The following SLC26A8 variants were observed in gnomAD, a reference collection of about 807,000 sequenced individuals.
SLC26A8 encodes solute carrier family 26 member 8, also known as testis anion transporter 1.
Under a neutral mutation model 105.0 loss-of-function variants are expected in SLC26A8, and 70 were observed. The ratio of observed to expected loss-of-function variants is 0.67; its 90% confidence interval spans 0.55 to 0.81. The LOEUF (loss-of-function observed/expected upper bound fraction) is 0.81, where lower values mean the gene tolerates loss of function less well. Ranked by LOEUF, SLC26A8 falls within the 40% of genes least tolerant of loss-of-function variation. The pLI is 0.00. For synonymous variants in SLC26A8, 415 were observed against 438.3 expected (o/e 0.95, Z 0.66); for missense variants, 998 against 1,181.8 (o/e 0.84, Z 2.28).
At chr6:35,977,987 G>A (rs1773105593) in intron 8 of SLC26A8, among the ~76,000 whole-genome samples, 1 of 151,768 alleles carries the variant, frequency 6.6e-6, no homozygotes, top group African/African-American at 2.4e-5. Context: ...TCTGGAGGCT[G>A]AGGCATGGGA....
intron 11 of SLC26A8, among the ~76,000 whole-genome samples, chr6:35,966,390 G>A (rs1772518659): frequency 6.6e-6 from 1 of 152,176 alleles, no homozygotes; most frequent in Non-Finnish European, 1.5e-5. Flanking sequence ...GAGGCAGGGA[G>A]TATGGAGAGG....
At chr6:36,020,112 T>G (rs1762094622) in intron 1 of SLC26A8, among the ~76,000 whole-genome samples, 1 of 152,248 alleles carries the variant, frequency 6.6e-6, no homozygotes, top group African/African-American at 2.4e-5. Flanking sequence ...AAGGGTTAAG[T>G]GCTCAATACA....
chr6:35,951,095 C>CCCCACACCCAACCCCCCACAG, intron 19 of SLC26A8, 68 bp downstream of exon 19: 1 of 1,282,782 alleles, frequency 7.8e-7, no homozygotes, highest in Non-Finnish European at 1.1e-6. Flanking sequence ...CCCCCAACCA[C>CCCCACACCCAACCCCCCACAG]CCCTCACCCA....
At chr6:36,022,219 G>A (rs557752359) in intron 1 of SLC26A8, among the ~76,000 whole-genome samples, 3 of 152,012 alleles carry the variant, frequency 2.0e-5, no homozygotes, top group Admixed American at 1.3e-4. Context: ...CTCCCGCCTC[G>A]GCCTCCCAAA....
At chr6:35,955,069 A>C in intron 17 of SLC26A8, 83 bp downstream of exon 17, 3 of 1,554,516 alleles carry the variant, frequency 1.9e-6, no homozygotes, top group Non-Finnish European at 2.6e-6. Context: ...ATCAGTGACT[A>C]ACAGAATTCA....
At chr6:35,944,815 GA>G (rs1771610080) in intron 19 of SLC26A8, among the ~76,000 whole-genome samples, 1 of 152,110 alleles carries the variant, frequency 6.6e-6, no homozygotes. Context: ...TTGCAGAGTA[GA>G]AAATATTTCT....
intron 10 of SLC26A8, among the ~76,000 whole-genome samples, chr6:35,971,569 C>T (rs975986025): frequency 2.0e-5 from 3 of 152,172 alleles, no homozygotes; most frequent in Admixed American, 6.6e-5. Flanking sequence ...GTGACAGGCA[C>T]CCATTAGCAT....
chr6:35,961,092 CA>C lies in SLC26A8; in HGVS notation c.1468del (p.Trp490GlyfsTer2). 6.2e-7 allele frequency: 1 copy of C among 1,612,048 alleles called. No homozygotes were observed. Among genetic ancestry groups the C allele is most frequent in the Non-Finnish European group, 8.5e-7 (1 of 1,178,530 alleles). On this transcript the variant is annotated frameshift_variant, in exon 13 of 20. Transcript: ENST00000490799. LOFTEE classifies it high-confidence loss of function. Reference sequence around the variant, plus strand: ...AATTGAAGATGAGAATGTCATCATCCAAAGAGCCTTATGGAAAAGGGAATGA... The same window carrying C: ...AATTGAAGATGAGAATGTCATCATCCAAGAGCCTTATGGAAAAGGGAATGA... ...WRQDQYDCAL[W>X]MMTFSSSIFL...
Position 35,959,729 on chromosome 6 carries a change from A to C in SLC26A8, c.1716T>G (p.His572Gln). 1 of 1,609,562 alleles carries C rather than the reference A, an allele frequency of 6.2e-7. No individual in the cohort carries two copies. Among genetic ancestry groups the C allele is most frequent in the Non-Finnish European group, 8.5e-7 (1 of 1,179,000 alleles). The change falls in exon 15 of 20, where the codon CAT (histidine) becomes CAG (glutamine). Residue 572 changes from histidine (H) to glutamine (Q), a missense_variant. His to Gln is a conservative substitution (Grantham distance 24, BLOSUM62 0). Transcript: ENST00000490799. ...ITFVNVYYLK[H>Q]KLLKEVDMVK... The stretch of plus-strand genomic sequence containing the variant: ...GGGCAGATACCTCTTTTAACAGCTT[A>C]TGCTTTAGGTAGTAAACATTTACAA...
chr6:35,996,577 C>T (rs921092625), intron 5 of SLC26A8, among the ~76,000 whole-genome samples: 13 of 152,028 alleles, frequency 8.6e-5, no homozygotes, highest in Admixed American at 2.6e-4. Flanking sequence ...GACAGGGTCT[C>T]GCTGTGCCAC....
At chr6:35,957,606 C>CTT (rs71540136) in intron 16 of SLC26A8, among the ~76,000 whole-genome samples, 4 of 130,310 alleles carry the variant, frequency 3.1e-5, no homozygotes, top group African/African-American at 2.9e-5. Flanking sequence ...TGAGAGCCAC[C>CTT]TTTTTTTTTT....
chr6:35,974,045 CG>C (rs933375918), intron 10 of SLC26A8, among the ~76,000 whole-genome samples: 1 of 152,162 alleles, frequency 6.6e-6, no homozygotes, highest in African/African-American at 2.4e-5. Flanking sequence ...GGGCCGGGCC[CG>C]GTGGTTCATG....
rs1333644820 is a variant in SLC26A8 at position 35,955,297 on chromosome 6, C to T, written c.2087G>A (p.Gly696Glu). 2 of 1,614,060 alleles carry T rather than the reference C, an allele frequency of 1.2e-6. No individual in the cohort carries two copies. Among genetic ancestry groups the T allele is most frequent in the East Asian group, 4.5e-5 (2 of 44,890 alleles). The change falls in exon 17 of 20, where the codon GGA becomes GAA. Residue 696 changes from glycine to glutamate, a missense_variant. By Grantham distance (98) the Gly-to-Glu change is moderately conservative (BLOSUM62 -2). Coordinates refer to ENST00000490799, the MANE Select transcript of SLC26A8 (RefSeq NM_052961.4). ...CTGGCTTTCCGCCACATCAGGCAGT[C>T]CTGGTGAGCTGTTTCTTGATGAGTT... ...PNNSSRNSSP[G>E]LPDVAESQGR...
chr6:36,024,490 C>T lies in SLC26A8; in HGVS notation c.-3+14G>A, dbSNP rs1170205406. ...CAGCCCCCGGCGCCCAGGCGTCTCCCAGCAGCGGCTCACCTGGCTCCTTGG... is the reference window on the plus strand; with the variant it reads ...CAGCCCCCGGCGCCCAGGCGTCTCCTAGCAGCGGCTCACCTGGCTCCTTGG... On this transcript the variant is annotated intron_variant, in intron 1 of 19. Coordinates refer to ENST00000490799, the MANE Select transcript of SLC26A8 (RefSeq NM_052961.4). The T allele has an allele frequency of 2.2e-6, 1 of 448,030 alleles. No individual in the cohort carries two copies. Among genetic ancestry groups the T allele is most frequent in the Non-Finnish European group, 4.5e-6 (1 of 224,430 alleles). 27.8% of individuals were successfully genotyped at this position (448,030 alleles called of 1,614,324 possible).
chr6:35,953,324 G>A (rs1358742394), intron 17 of SLC26A8, among the ~76,000 whole-genome samples: 1 of 152,128 alleles, frequency 6.6e-6, no homozygotes, highest in Non-Finnish European at 1.5e-5. Flanking sequence ...GAGCAAGGGA[G>A]ACAATGGCAC....
intron 9 of SLC26A8, among the ~76,000 whole-genome samples, chr6:35,976,469 T>G (rs1469423377): frequency 6.6e-6 from 1 of 151,782 alleles, no homozygotes; most frequent in Non-Finnish European, 1.5e-5. Flanking sequence ...GTTTCCATAT[T>G]TCCCTCTTGA....
chr6:36,012,437 A>G (rs1305288425), intron 2 of SLC26A8, 65 bp from the exon 3 acceptor site: 9 of 1,518,414 alleles, frequency 5.9e-6, no homozygotes, highest in Non-Finnish European at 7.9e-6. Context: ...TAGCCAAGAA[A>G]AGGCATTTGG....
intron 7 of SLC26A8, among the ~76,000 whole-genome samples, chr6:35,987,703 TCA>T (rs1348991648): frequency 2.0e-5 from 3 of 151,930 alleles, no homozygotes; most frequent in Non-Finnish European, 4.4e-5. Flanking sequence ...CCTGTCATCA[TCA>T]CAGCAGGGGA....
intron 11 of SLC26A8, among the ~76,000 whole-genome samples, chr6:35,964,153 G>A (rs1479121037): frequency 2.0e-5 from 3 of 152,192 alleles, no homozygotes; most frequent in Non-Finnish European, 4.4e-5. Flanking sequence ...AGGCTGCAGT[G>A]AGGTGTGATC....
Sources: allele counts gnomAD v4.1 joint callset (sites outside exome capture counted in the v4.1 genomes callset), GRCh38; gene constraint gnomAD v4.1.1; transcripts MANE v1.5; gene names NCBI Gene and HGNC (gene_info 2026-07-23, HGNC 2026-07-21).